Variants in GPHN observed in about 807,000 individuals in gnomAD.
GPHN encodes gephyrin.
In GPHN, 17 loss-of-function variants were observed where a neutral mutation model predicts 95.5. The ratio of observed to expected loss-of-function variants is 0.18; its 90% CI spans 0.12 to 0.27. The LOEUF is 0.27. Ranked by LOEUF, GPHN falls within the 10% of genes least tolerant of loss-of-function variation. The pLI, the probability that GPHN is intolerant of heterozygous loss-of-function variation, is 1.00. For synonymous variants in GPHN, 320 were observed against 322.5 expected (o/e 0.99, Z 0.08); for missense variants, 660 against 978.1 (o/e 0.67, Z 4.34).
chr14:66,538,400 C>T (rs2059220057), intron 1 of GPHN, among the ~76,000 whole-genome samples: 1 of 151,454 alleles, frequency 6.6e-6, no homozygotes, highest in African/African-American at 2.4e-5. Context: ...ATCTCTCTCT[C>T]CTCTAAACTG....
chr14:67,250,868 C>T, the GPHN span, among the ~76,000 whole-genome samples: 1 of 152,032 alleles, frequency 6.6e-6, no homozygotes, highest in Admixed American at 6.6e-5. Context: ...TTCATTTGAC[C>T]AAATCACAAT....
intron 21 of GPHN, among the ~76,000 whole-genome samples, chr14:67,171,426 A>G (rs1168525650): frequency 6.6e-6 from 1 of 152,124 alleles, no homozygotes; most frequent in African/African-American, 2.4e-5. Flanking sequence ...GCAATTCATC[A>G]AATAGAATTA....
At chr14:66,545,762 G>A (rs1300885221) in intron 1 of GPHN, among the ~76,000 whole-genome samples, 1 of 141,646 alleles carries the variant, frequency 7.1e-6, no homozygotes, top group South Asian at 2.3e-4. Flanking sequence ...CCTCCCGGAC[G>A]GGGCAGCTGG....
chr14:67,584,726 TAAG>T, the GPHN span, among the ~76,000 whole-genome samples: 4 of 152,210 alleles, frequency 2.6e-5, no homozygotes, highest in Non-Finnish European at 5.9e-5. Context: ...TTTGAGGTTA[TAAG>T]AAGTGAGAAA....
chr14:67,313,494 T>C, the GPHN span, among the ~76,000 whole-genome samples: 1 of 152,160 alleles, frequency 6.6e-6, no homozygotes, highest in Non-Finnish European at 1.5e-5. Context: ...TGACTGTATG[T>C]AGATATAATT....
At chr14:66,687,423 A>G (rs894075726) in intron 2 of GPHN, among the ~76,000 whole-genome samples, 7 of 151,290 alleles carry the variant, frequency 4.6e-5, no homozygotes, top group African/African-American at 9.7e-5. Flanking sequence ...CGTTGAATCT[A>G]TAGATCACTG....
the GPHN span, among the ~76,000 whole-genome samples, chr14:67,595,071 A>C: frequency 2.0e-5 from 3 of 152,104 alleles, no homozygotes; most frequent in African/African-American, 7.2e-5. Context: ...CAGGAGGTGG[A>C]GCTTGCAGTG....
chr14:66,836,147 C>A (rs2061797430), intron 4 of GPHN, among the ~76,000 whole-genome samples: 1 of 131,450 alleles, frequency 7.6e-6, no homozygotes. Flanking sequence ...CAATCCTAAG[C>A]CAAAAGAACA....
chr14:66,754,124 G>C (rs955778369), intron 2 of GPHN, among the ~76,000 whole-genome samples: 7 of 151,858 alleles, frequency 4.6e-5, no homozygotes, highest in African/African-American at 1.5e-4. Context: ...ATGGATATTT[G>C]AGTTTTCCAC....
the GPHN span, chr14:67,590,246 CA>C: frequency 2.3e-5 from 24 of 1,022,450 alleles, no homozygotes; most frequent in South Asian, 6.0e-5. Context: ...CATCCACTTG[CA>C]AATTTTTTTT....
chr14:67,693,104 A>G, the GPHN span: 2 of 1,299,142 alleles, frequency 1.5e-6, no homozygotes, highest in Non-Finnish European at 2.2e-6. Context: ...TGTCTCAGCC[A>G]GTAGGTTCCT....
intron 1 of GPHN, among the ~76,000 whole-genome samples, chr14:66,659,761 G>C (rs935036928): frequency 4.0e-5 from 6 of 151,862 alleles, no homozygotes; most frequent in African/African-American, 1.2e-4. Flanking sequence ...TGTCTACTTG[G>C]TAGATCTTTT....
intron 9 of GPHN, 112 bp from the exon 10 acceptor site, chr14:67,023,521 A>G (rs755654587): frequency 1.5e-5 from 11 of 735,656 alleles, no homozygotes; most frequent in African/African-American, 3.5e-5. Flanking sequence ...CATCTGAAAT[A>G]CTAATATATA....
chr14:67,254,248 TTCTTGACAATGACTA>T, the GPHN span: 3 of 151,358 alleles, frequency 2.0e-5, no homozygotes, highest in Admixed American at 6.6e-5. Flanking sequence ...AGCAGCCTTT[TTCTTGACAATGACTA>T]TCCAAGTTTT....
At chr14:66,939,490 C>T (rs1188242573) in intron 8 of GPHN, among the ~76,000 whole-genome samples, 1 of 152,086 alleles carries the variant, frequency 6.6e-6, no homozygotes, top group Admixed American at 6.5e-5. Flanking sequence ...ATTGGAACTC[C>T]TGGCAAAGCA....
At chr14:67,631,929 C>T in the GPHN span, among the ~76,000 whole-genome samples, 1 of 152,170 alleles carries the variant, frequency 6.6e-6, no homozygotes, top group African/African-American at 2.4e-5. Flanking sequence ...GGCCAGAGTG[C>T]AGTGGTGTAA....
At chr14:66,774,940 A>T (rs1185497307) in intron 2 of GPHN, among the ~76,000 whole-genome samples, 2 of 152,218 alleles carry the variant, frequency 1.3e-5, no homozygotes, top group African/African-American at 4.8e-5. Context: ...GTCTGCTCAG[A>T]TACTACACCT....
chr14:66,769,808 T>C (rs2059098979), intron 2 of GPHN, among the ~76,000 whole-genome samples: 1 of 152,206 alleles, frequency 6.6e-6, no homozygotes, highest in South Asian at 2.1e-4. Flanking sequence ...CATGTGTCTT[T>C]ATGATATAAC....
At chr14:67,425,321 C>T in the GPHN span, among the ~76,000 whole-genome samples, 4 of 152,140 alleles carry the variant, frequency 2.6e-5, no homozygotes, top group African/African-American at 7.2e-5. Flanking sequence ...GAGGCCAAGG[C>T]GGGAGAATCA....
Sources: gnomAD v4.1 joint callset for allele counts (sites outside exome capture counted in the v4.1 genomes callset) on GRCh38, gnomAD v4.1.1 for gene constraint, MANE v1.5 for transcripts, NCBI Gene and HGNC (gene_info 2026-07-23, HGNC 2026-07-21) for gene names.